NACC2: variants seen among roughly 807,000 people sequenced by gnomAD.
The protein encoded by NACC2 is nucleus accumbens-associated protein 2.
NACC2 carries 8 observed loss-of-function variants against 25.1 expected under a neutral mutation model. That is an observed-to-expected ratio of 0.32 (90% CI 0.19 to 0.57). The LOEUF (loss-of-function observed/expected upper bound fraction) is 0.57, where lower values mean the gene tolerates loss of function less well. Among genes scored for constraint, NACC2 ranks in the 20% least tolerant of loss-of-function variants. The pLI is 0.89. For synonymous variants in NACC2, 435 were observed against 294.7 expected, an observed-to-expected ratio of 1.48 and a Z score of -4.88; for missense variants, 644 against 650.2, an observed-to-expected ratio of 0.99 and a Z score of 0.10.
In NACC2 at chr9:136,018,125, G is replaced by C. The variant is rs1441062741; in HGVS notation, c.887-1696C>G. 1.3e-5 allele frequency among the ~76,000 whole-genome samples: 2 copies of C among 152,164 alleles called. No homozygotes were observed. The highest frequency in any genetic ancestry group is 1.9e-4 in the East Asian group (1 of 5,190). On this transcript the variant is annotated intron_variant, in intron 2 of 5. Coordinates refer to ENST00000277554, the MANE Select transcript of NACC2 (RefSeq NM_144653.5). This position sits in a 1 kb window ranked among gnomAD's most constrained non-coding sequence, Gnocchi z 4.4. ...CTCGGGGCAGGCAGCTCCATGCAGA[G>C]CCCACCTGCGGCCGCACCGCACCAG... is the stretch of plus-strand genomic sequence containing the variant.
chr9:136,036,883 C>T (rs1169241164), intron 2 of NACC2, among the ~76,000 whole-genome samples: 4 of 152,176 alleles, frequency 2.6e-5, no homozygotes, highest in African/African-American at 7.2e-5. Flanking sequence ...TAAAAATGCA[C>T]GTGTTCAGAA....
chr9:136,035,095 A>G (rs1166412271), intron 2 of NACC2, among the ~76,000 whole-genome samples: 1 of 152,150 alleles, frequency 6.6e-6, no homozygotes, highest in Admixed American at 6.5e-5. Flanking sequence ...CTCCATCTCA[A>G]AAACAAAACA....
chr9:136,037,016 G>A (rs1840563953), intron 2 of NACC2, among the ~76,000 whole-genome samples: 1 of 152,132 alleles, frequency 6.6e-6, no homozygotes, highest in Admixed American at 6.5e-5. Flanking sequence ...GAAGAACATA[G>A]ATAAGGATGA....
chr9:136,078,499 T>C (rs1174282642), intron 1 of NACC2, among the ~76,000 whole-genome samples: 1 of 152,206 alleles, frequency 6.6e-6, no homozygotes, highest in Admixed American at 6.5e-5. Context: ...ATTACCCTAC[T>C]GTACAGATGA....
chr9:136,010,036 T>C lies in NACC2; in HGVS notation c.*1480A>G, dbSNP rs1296390345. The C allele has an allele frequency of 6.6e-6, 1 of 152,060 alleles. No homozygotes were observed. Among genetic ancestry groups the C allele is most frequent in the South Asian group, 2.1e-4 (1 of 4,834 alleles). The allele number at this position is 152,060 out of a possible 1,614,324, so 9.4% of individuals were successfully genotyped here. ...AAAACAAAAGGGAGGGACACCTGGG[T>C]AGGTGGCCACACCAGCACTTCACAC... On this transcript the variant is annotated 3_prime_UTR_variant, in exon 6 of 6. Transcript: ENST00000277554. This position sits in a 1 kb window ranked among gnomAD's most constrained non-coding sequence, Gnocchi z 4.9.
rs145227448 is a variant in NACC2, at chr9:136,006,668, G to A, written c.*4848C>T. On this transcript the variant is annotated 3_prime_UTR_variant, in exon 6 of 6. Transcript: ENST00000277554. ...GGCTCTGAGCACGCTTGAAGCCCTC[G>A]GTTTCCCTGTTCGCTTTTGAATGTT... 1.4e-4 allele frequency: 21 copies of A among 152,294 alleles called. No individual in the cohort carries two copies. The East Asian group carries it at 3.1e-3, about 22-fold the overall frequency. 9.4% of individuals were successfully genotyped at this position (152,294 alleles called of 1,614,324 possible).
rs372730442 is a variant in NACC2 at position 136,022,577 on chromosome 9, T to G, written c.887-6148A>C. Among the ~76,000 whole-genome samples the G allele has an allele frequency of 2.5e-4, 38 of 152,300 alleles. 1 individual carries two copies. The East Asian group carries it at 6.0e-3, about 24-fold the overall frequency. ...TTGGGGGTGGGTCCATGGTCCCAGCTCGCTGCCTCCTGGCCAGTGAGCCTG... is the reference window on the plus strand; with the variant it reads ...TTGGGGGTGGGTCCATGGTCCCAGCGCGCTGCCTCCTGGCCAGTGAGCCTG... On this transcript the variant is annotated intron_variant, in intron 2 of 5. Transcript: ENST00000277554. This position sits in a 1 kb window ranked among gnomAD's most constrained non-coding sequence, Gnocchi z 4.4.
chr9:136,090,625 C>T (rs925659942), intron 1 of NACC2, among the ~76,000 whole-genome samples: 1 of 152,252 alleles, frequency 6.6e-6, no homozygotes, highest in East Asian at 1.9e-4. Flanking sequence ...GCCCGGATTC[C>T]AGCCTCCAGA....
chr9:136,025,764 A>G (rs1840377866), intron 2 of NACC2, among the ~76,000 whole-genome samples: 2 of 151,910 alleles, frequency 1.3e-5, no homozygotes, highest in African/African-American at 4.8e-5. Flanking sequence ...AATACAAAAA[A>G]ATTAGCCAGG....
At chr9:136,068,421 C>A (rs1278569840) in intron 1 of NACC2, among the ~76,000 whole-genome samples, 2 of 150,486 alleles carry the variant, frequency 1.3e-5, no homozygotes, top group Admixed American at 6.6e-5. Flanking sequence ...ATCGCTTGAA[C>A]CCAGGAGGCA....
Position 136,013,420 on chromosome 9 carries a change from G to C in NACC2, c.1158-124C>G, listed in dbSNP as rs1840144669. The C allele has an allele frequency of 1.2e-6, 1 of 806,774 alleles. No homozygotes were observed. The highest frequency in any genetic ancestry group is 2.0e-6 in the Non-Finnish European group (1 of 504,812). 50.0% of individuals were successfully genotyped at this position (806,774 alleles called of 1,614,324 possible). A position where few individuals can be genotyped will look rare whatever the true frequency, so the allele number is the denominator to read the frequency against. On this transcript the variant is annotated intron_variant, in intron 4 of 5. Transcript: ENST00000277554. This position sits in a 1 kb window ranked among gnomAD's most constrained non-coding sequence, Gnocchi z 6.6. ...CCTCACCCTTGGCTGGTCTGCGTGTGTCCCAGTGGCAGGAGCCGGCCCAGC... is the reference window on the plus strand; with the variant it reads ...CCTCACCCTTGGCTGGTCTGCGTGTCTCCCAGTGGCAGGAGCCGGCCCAGC...
rs930799240 is a variant in NACC2, at chr9:136,010,819, G to A, written c.*697C>T. On this transcript the variant is annotated 3_prime_UTR_variant, in exon 6 of 6. Coordinates refer to ENST00000277554, the MANE Select transcript of NACC2 (RefSeq NM_144653.5). This position sits in a 1 kb window ranked among gnomAD's most constrained non-coding sequence, Gnocchi z 4.9. ...GGTCAGGGGACCGAGGGGCTGCAGA[G>A]CCGAGACGGATCGGGCAGAACAAGG... 1 of 152,368 alleles carries A rather than the reference G, an allele frequency of 6.6e-6. No homozygotes were observed. Among genetic ancestry groups the A allele is most frequent in the African/African-American group, 2.4e-5 (1 of 41,434 alleles). 9.4% of individuals were successfully genotyped at this position (152,368 alleles called of 1,614,324 possible). A position where few individuals can be genotyped will look rare whatever the true frequency, so the allele number is the denominator to read the frequency against.
intron 1 of NACC2, among the ~76,000 whole-genome samples, chr9:136,094,863 C>T (rs1317566669): frequency 6.6e-6 from 1 of 151,444 alleles, no homozygotes; most frequent in Non-Finnish European, 1.5e-5. Context: ...ACCCAGCAGG[C>T]GGCGGGGAGC....
chr9:136,055,008 T>C lies in NACC2; in HGVS notation c.-59-4428A>G, dbSNP rs1391235259. Among the ~76,000 whole-genome samples, 3 of 152,258 alleles carry C rather than the reference T, an allele frequency of 2.0e-5. No individual in the cohort carries two copies. Among genetic ancestry groups the C allele is most frequent in the Admixed American group, 2.0e-4 (3 of 15,300 alleles). ...ACACACAGAGGAGGCTGGGTTCCTC[T>C]GAGCCCACAAGCCACCCTCAGGAAT... is the stretch of plus-strand genomic sequence containing the variant. On this transcript the variant is annotated intron_variant, in intron 1 of 5. Transcript: ENST00000277554. The surrounding 1 kb of genome is among the most constrained non-coding windows in gnomAD (Gnocchi z 4.9).
chr9:136,074,631 C>T (rs1049997829), intron 1 of NACC2, among the ~76,000 whole-genome samples: 1 of 151,814 alleles, frequency 6.6e-6, no homozygotes, highest in Admixed American at 6.6e-5. Context: ...AGGCTGCCTG[C>T]CTTCCTCAAG....
intron 1 of NACC2, among the ~76,000 whole-genome samples, chr9:136,091,694 A>C (rs1830435249): frequency 6.6e-6 from 1 of 152,224 alleles, no homozygotes; most frequent in Admixed American, 6.5e-5. Context: ...CAGGAAGGCC[A>C]CAGCTGAGGG....
At chr9:136,074,599 C>T (rs1239085710) in intron 1 of NACC2, among the ~76,000 whole-genome samples, 1 of 151,284 alleles carries the variant, frequency 6.6e-6, no homozygotes, top group African/African-American at 2.4e-5. Context: ...AGGTCAAAAC[C>T]ATTCCTCGTT....
chr9:136,033,385 T>C (rs1466068874), intron 2 of NACC2, among the ~76,000 whole-genome samples: 1 of 152,062 alleles, frequency 6.6e-6, no homozygotes, highest in Non-Finnish European at 1.5e-5. Flanking sequence ...GGCTCACGCC[T>C]GTAATCCCAG....
rs969068747 is a variant in NACC2, at chr9:136,039,555, C to A, written c.886+10081G>T. ...ATTACAGATCAATAACCTTCATGAA[C>A]ATAAATGCAAAATTCCTTGAGAAAA... On this transcript the variant is annotated intron_variant, in intron 2 of 5. Transcript: ENST00000277554. Among the ~76,000 whole-genome samples the A allele has an allele frequency of 7.3e-3, 1,117 of 152,246 alleles. 11 individuals are homozygous for A. Among genetic ancestry groups the A allele is most frequent in the South Asian group, 0.027 (130 of 4,820 alleles).
Sources: gnomAD v4.1 joint callset for allele counts (sites outside exome capture counted in the v4.1 genomes callset) on GRCh38, gnomAD v4.1.1 for gene constraint, Gnocchi (gnomAD v3.1) non-coding constraint, MANE v1.5 for transcripts, NCBI Gene and HGNC (gene_info 2026-07-23, HGNC 2026-07-21) for gene names.